Variants in CDC42EP3 observed in about 807,000 individuals in gnomAD.
The protein encoded by CDC42EP3 is CDC42 effector protein 3, also known as CDC42 effector protein (Rho GTPase binding) 3.
In CDC42EP3, 4 loss-of-function variants were observed where a neutral mutation model predicts 15.5. That is an observed-to-expected ratio of 0.26 (90% CI 0.13 to 0.59). CDC42EP3 has a LOEUF of 0.59. CDC42EP3 is among the 20% of genes least tolerant of loss of function. CDC42EP3 has a pLI of 0.89. For synonymous variants in CDC42EP3, 145 were observed against 130.3 expected (o/e 1.11, Z -0.77); for missense variants, 309 against 311.2 (o/e 0.99, Z 0.05).
chr2:37,655,557 T>C (rs1284604033), intron 1 of CDC42EP3, among the ~76,000 whole-genome samples: 1 of 151,648 alleles, frequency 6.6e-6, no homozygotes, highest in African/African-American at 2.4e-5. Flanking sequence ...ACTCTGGCAG[T>C]TACAACAAGG....
At chr2:37,665,987 G>C (rs1414848915) in intron 1 of CDC42EP3, among the ~76,000 whole-genome samples, 1 of 152,128 alleles carries the variant, frequency 6.6e-6, no homozygotes, top group Non-Finnish European at 1.5e-5. Context: ...ACCAGAATTG[G>C]TATTTTTTTA....
chr2:37,652,268 A>G (rs2124618205), intron 1 of CDC42EP3, among the ~76,000 whole-genome samples: 1 of 151,712 alleles, frequency 6.6e-6, no homozygotes, highest in South Asian at 2.1e-4. Flanking sequence ...AACAGTCAGC[A>G]TGAGTCAGGG....
At chr2:37,670,917 G>A (rs1666393600) in intron 1 of CDC42EP3, among the ~76,000 whole-genome samples, 1 of 152,144 alleles carries the variant, frequency 6.6e-6, no homozygotes, top group Admixed American at 6.5e-5. Context: ...GCTGTTCACC[G>A]TCAAAAAACA....
upstream of CDC42EP3, chr2:37,672,160 G>C (rs1666453537): frequency 6.7e-6 from 1 of 149,230 alleles, no homozygotes; most frequent in African/African-American, 2.6e-5. Context: ...CCAGGCCGCA[G>C]CTCCCCAGGT....
rs1665423530 is a variant in CDC42EP3 at position 37,645,571 on chromosome 2, G to A, written c.*252C>T. On this transcript the variant is annotated 3_prime_UTR_variant, in exon 2 of 2. Transcript: ENST00000295324. ...TGTGTCTGCAAACAATATGTGAGCC[G>A]AACATCACCAATGCCTCCTGAAAAT... 1 of 343,450 alleles carries A rather than the reference G, an allele frequency of 2.9e-6. No individual in the cohort carries two copies. The highest frequency in any genetic ancestry group is 5.3e-6 in the Non-Finnish European group (1 of 189,384). The allele number at this position is 343,450 out of a possible 1,614,324, so 21.3% of individuals were successfully genotyped here. A position where few individuals can be genotyped will look rare whatever the true frequency, so the allele number is the denominator to read the frequency against.
At chr2:37,660,613 A>G (rs1666027494) in intron 1 of CDC42EP3, among the ~76,000 whole-genome samples, 1 of 152,092 alleles carries the variant, frequency 6.6e-6, no homozygotes, top group South Asian at 2.1e-4. Flanking sequence ...ACTTTATCTT[A>G]TGGATGATTT....
rs1665492014 is a variant in CDC42EP3 at position 37,646,643 on chromosome 2, A to AGAT, written c.-59_-57dup. 1 of 1,442,744 alleles carries AGAT rather than the reference A, an allele frequency of 6.9e-7. No individual in the cohort carries two copies. Among genetic ancestry groups the AGAT allele is most frequent in the African/African-American group, 1.4e-5 (1 of 70,120 alleles). 89.4% of individuals were successfully genotyped at this position (1,442,744 alleles called of 1,614,324 possible). A position where few individuals can be genotyped will look rare whatever the true frequency, so the allele number is the denominator to read the frequency against. ...CGGGAGAAAGGGCCACTTTCTTCAC[A>AGAT]GATGGTATATGTTTCTGAATCCTTT... is the stretch of plus-strand genomic sequence containing the variant. On this transcript the variant is annotated 5_prime_UTR_variant, in exon 2 of 2. Coordinates refer to ENST00000295324, the MANE Select transcript of CDC42EP3 (RefSeq NM_006449.5).
upstream of CDC42EP3, chr2:37,672,678 G>C (rs1338112908): frequency 6.6e-6 from 1 of 152,338 alleles, no homozygotes; most frequent in African/African-American, 2.4e-5. Flanking sequence ...GGAAAGGGCG[G>C]TGTTTTCCGG....
At chr2:37,653,293 A>C (rs372399353) in intron 1 of CDC42EP3, among the ~76,000 whole-genome samples, 1 of 152,158 alleles carries the variant, frequency 6.6e-6, no homozygotes, top group Non-Finnish European at 1.5e-5. Context: ...GAAATCCAAG[A>C]GTTTCAATAC....
chr2:37,659,361 T>G (rs1665982299), intron 1 of CDC42EP3, among the ~76,000 whole-genome samples: 1 of 152,216 alleles, frequency 6.6e-6, no homozygotes, highest in Non-Finnish European at 1.5e-5. Flanking sequence ...GGCAAAGGCT[T>G]TCATTTTTCC....
At chr2:37,666,605 A>C (rs1487672403) in intron 1 of CDC42EP3, among the ~76,000 whole-genome samples, 1 of 152,136 alleles carries the variant, frequency 6.6e-6, no homozygotes, top group Admixed American at 6.5e-5. Flanking sequence ...AGGACTAAGC[A>C]AACACTAGTT....
chr2:37,653,193 A>T (rs1363471105), intron 1 of CDC42EP3, among the ~76,000 whole-genome samples: 2 of 152,206 alleles, frequency 1.3e-5, no homozygotes, highest in Admixed American at 1.3e-4. Context: ...CCAGTCAGTC[A>T]TGTGGCAGGT....
chr2:37,644,689 A>T lies in CDC42EP3; in HGVS notation c.*1134T>A, dbSNP rs1665386932. The T allele has an allele frequency of 6.6e-6, 1 of 152,118 alleles. No homozygotes were observed. Among genetic ancestry groups the T allele is most frequent in the Admixed American group, 6.6e-5 (1 of 15,266 alleles). The allele number at this position is 152,118 out of a possible 1,614,324, so 9.4% of individuals were successfully genotyped here. On this transcript the variant is annotated 3_prime_UTR_variant, in exon 2 of 2. Transcript: ENST00000295324. ...CCAAAAGTAGAGAGGCTCAGTTTCT[A>T]GCCTCTCAAACCATAAGGAAGTAAT...
At chr2:37,649,399 G>A (rs532690997) in intron 1 of CDC42EP3, among the ~76,000 whole-genome samples, 3 of 131,428 alleles carry the variant, frequency 2.3e-5, no homozygotes, top group East Asian at 4.7e-4. Flanking sequence ...AGGCTGCGGA[G>A]AGCTATGATT....
intron 1 of CDC42EP3, among the ~76,000 whole-genome samples, chr2:37,664,904 T>C (rs1666204193): frequency 6.6e-6 from 1 of 151,806 alleles, no homozygotes; most frequent in African/African-American, 2.4e-5. Flanking sequence ...CACTGGGGCC[T>C]AATTGAGGGG....
At chr2:37,657,692 C>T (rs1184257806) in intron 1 of CDC42EP3, among the ~76,000 whole-genome samples, 1 of 152,188 alleles carries the variant, frequency 6.6e-6, no homozygotes, top group African/African-American at 2.4e-5. Context: ...CACACCTATG[C>T]CTATTCATTT....
Position 37,646,632 on chromosome 2 carries a change from A to C in CDC42EP3, c.-45T>G. 3 of 1,464,658 alleles carry C rather than the reference A, an allele frequency of 2.0e-6. No homozygotes were observed. Among genetic ancestry groups the C allele is most frequent in the Non-Finnish European group, 2.8e-6 (3 of 1,088,474 alleles). The allele number at this position is 1,464,658 out of a possible 1,614,324, so 90.7% of individuals were successfully genotyped here. On this transcript the variant is annotated 5_prime_UTR_variant, in exon 2 of 2. Transcript: ENST00000295324. The stretch of plus-strand genomic sequence containing the variant: ...TATTTTGCAAGCGGGAGAAAGGGCC[A>C]CTTTCTTCACAGATGGTATATGTTT...
chr2:37,646,319 G>A lies in CDC42EP3; in HGVS notation c.269C>T (p.Thr90Ile). 6.2e-7 allele frequency: 1 copy of A among 1,614,170 alleles called. No individual in the cohort carries two copies. Among genetic ancestry groups the A allele is most frequent in the Non-Finnish European group, 8.5e-7 (1 of 1,180,034 alleles). ...GHNEFFRANS[T>I]SDSVFTETPS... The stretch of plus-strand genomic sequence containing the variant: ...CGTTTCTGTGAACACAGAGTCCGAG[G>A]TGCTGTTGGCCCGGAAGAACTCATT... The change falls in exon 2 of 2, where the codon ACC (threonine) becomes ATC (isoleucine). Residue 90 changes from threonine (T) to isoleucine (I), a missense_variant. By Grantham distance (89) the Thr-to-Ile change is moderately conservative. Coordinates refer to ENST00000295324, the MANE Select transcript of CDC42EP3 (RefSeq NM_006449.5).
At chr2:37,662,651 C>T (rs1010488481) in intron 1 of CDC42EP3, among the ~76,000 whole-genome samples, 1 of 152,216 alleles carries the variant, frequency 6.6e-6, no homozygotes, top group African/African-American at 2.4e-5. Flanking sequence ...TAAAGCACCA[C>T]CATCCCAGGG....
Sources: allele counts gnomAD v4.1 joint callset (sites outside exome capture counted in the v4.1 genomes callset), GRCh38; gene constraint gnomAD v4.1.1; transcripts MANE v1.5; gene names NCBI Gene and HGNC (gene_info 2026-07-23, HGNC 2026-07-21).